The following CD8B2 variants were observed in gnomAD, a reference collection of about 807,000 sequenced individuals.
CD8B2 encodes the protein T-cell surface glycoprotein CD8 beta-2 chain.
In CD8B2, 11 loss-of-function variants were observed where a neutral mutation model predicts 23.7. The observed-to-expected ratio is 0.46, with a 90% CI of 0.29 to 0.77. CD8B2 has a LOEUF of 0.77. Ranked by LOEUF, CD8B2 falls within the 30% of genes least tolerant of loss-of-function variation. CD8B2 has a pLI of 0.09. For missense variants in CD8B2, 197 were observed against 270.5 expected (o/e 0.73, Z 1.91); for synonymous variants, 90 against 109.3 (o/e 0.82, Z 1.10).
chr2:106,542,283 C>T (rs76810170), intron 5 of CD8B2, among the ~76,000 whole-genome samples: 7,393 of 152,254 alleles, frequency 0.049, 229 homozygotes, highest in Middle Eastern at 0.13. Context: ...GGGCTCACTG[C>T]GGGCAGTAAC....
rs548009007 is a variant in CD8B2, at chr2:106,504,474, C to G, written c.620+149C>G. 90 of 1,513,080 alleles carry G rather than the reference C, an allele frequency of 5.9e-5. 1 individual carries two copies. In the South Asian group the frequency reaches 1.1e-3, roughly 18 times the overall value. 93.7% of individuals were successfully genotyped at this position (1,513,080 alleles called of 1,614,324 possible). On this transcript the variant is annotated intron_variant, in intron 5 of 5. Coordinates refer to ENST00000643224, the MANE Select transcript of CD8B2 (RefSeq NM_001349727.2). ...TGGTAGTGCACACCTGTAGTCACAG[C>G]TACTCGGGAGCTGAAGCAGGAGGAT... is the stretch of plus-strand genomic sequence containing the variant.
At position 106,509,989 on chromosome 2, in the gene CD8B2, G is replaced by A. The variant is rs1279641922; in HGVS notation, c.*3049G>A. On this transcript the variant is annotated 3_prime_UTR_variant, in exon 6 of 6. Transcript: ENST00000643224. ...ATAAATTCAGACACAGTCTAATAAGGGGGTTTAGGCGGCTGCTAAGGAATG... is the reference window on the plus strand; with the variant it reads ...ATAAATTCAGACACAGTCTAATAAGAGGGTTTAGGCGGCTGCTAAGGAATG... The A allele has an allele frequency of 1.3e-5, 2 of 152,154 alleles. No homozygotes were observed. Among genetic ancestry groups the A allele is most frequent in the Non-Finnish European group, 2.9e-5 (2 of 68,030 alleles). The allele number at this position is 152,154 out of a possible 1,614,324, so 9.4% of individuals were successfully genotyped here.
At chr2:106,500,829 TTAAA>T (rs1235860501) in intron 3 of CD8B2, among the ~76,000 whole-genome samples, 11 of 151,510 alleles carry the variant, frequency 7.3e-5, no homozygotes, top group Non-Finnish European at 1.3e-4. Context: ...AGTCTGCTGT[TTAAA>T]TAGCACACAA....
chr2:106,517,879 A>T (rs1679755798), intron 5 of CD8B2, among the ~76,000 whole-genome samples: 1 of 151,636 alleles, frequency 6.6e-6, no homozygotes, highest in South Asian at 2.1e-4. Context: ...CGCCCGGCTA[A>T]TTTTTTTTGT....
At chr2:106,524,139 A>G (rs1049346119) in intron 5 of CD8B2, among the ~76,000 whole-genome samples, 1 of 152,104 alleles carries the variant, frequency 6.6e-6, no homozygotes, top group Non-Finnish European at 1.5e-5. Flanking sequence ...GATTGTTGCT[A>G]GAGATAGTGG....
chr2:106,528,910 C>T (rs560693928), intron 5 of CD8B2, among the ~76,000 whole-genome samples: 1 of 152,190 alleles, frequency 6.6e-6, no homozygotes, highest in Non-Finnish European at 1.5e-5. Flanking sequence ...AGAGACAGTA[C>T]GATCCTGAAA....
At chr2:106,524,216 G>A (rs1438760857) in intron 5 of CD8B2, among the ~76,000 whole-genome samples, 1 of 152,178 alleles carries the variant, frequency 6.6e-6, no homozygotes, top group African/African-American at 2.4e-5. Flanking sequence ...TAGATAAGGG[G>A]CTGGTTTCCT....
chr2:106,491,575 C>A (rs1391883827), intron 2 of CD8B2, among the ~76,000 whole-genome samples: 2 of 152,050 alleles, frequency 1.3e-5, no homozygotes. Context: ...TGAGACAGAG[C>A]CTCACTGTGT....
At chr2:106,488,889 C>T (rs1311575893) in intron 1 of CD8B2, among the ~76,000 whole-genome samples, 1 of 152,114 alleles carries the variant, frequency 6.6e-6, no homozygotes, top group Non-Finnish European at 1.5e-5. Flanking sequence ...CAAGGAAAAA[C>T]CTCTGCTCTG....
Position 106,502,441 on chromosome 2 carries a change from G to A in CD8B2, c.494-33G>A, listed in dbSNP as rs568862738. 1.8e-3 allele frequency: 2,375 copies of A among 1,309,342 alleles called. 23 individuals carry two copies. In the African/African-American group the frequency reaches 0.024, roughly 13 times the overall value. The allele number at this position is 1,309,342 out of a possible 1,614,324, so 81.1% of individuals were successfully genotyped here. A position where few individuals can be genotyped will look rare whatever the true frequency, so the allele number is the denominator to read the frequency against. On this transcript the variant is annotated intron_variant, in intron 3 of 5. Transcript: ENST00000643224. ...CGTGTCTCACGCAGAAAAATGTTCT[G>A]TGTTGAACACATGTCACATGTGTGT... is the stretch of plus-strand genomic sequence containing the variant.
intron 3 of CD8B2, 86 bp downstream of exon 3, chr2:106,496,348 C>T: frequency 8.5e-6 from 12 of 1,415,818 alleles, no homozygotes; most frequent in Non-Finnish European, 1.1e-5. Flanking sequence ...TCCCCAGGCA[C>T]TTTCCAAGTG....
intron 5 of CD8B2, among the ~76,000 whole-genome samples, chr2:106,527,776 T>A (rs894482345): frequency 2.0e-5 from 3 of 150,368 alleles, no homozygotes; most frequent in African/African-American, 7.4e-5. Flanking sequence ...GAGCGAGACT[T>A]TGTCTCAAAA....
At chr2:106,540,737 C>T (rs1484712965) in intron 5 of CD8B2, among the ~76,000 whole-genome samples, 2 of 152,010 alleles carry the variant, frequency 1.3e-5, no homozygotes, top group Non-Finnish European at 2.9e-5. Flanking sequence ...GCTAATTTTT[C>T]TATTTTTTGT....
At chr2:106,533,117 C>T (rs1342285500) in intron 5 of CD8B2, among the ~76,000 whole-genome samples, 8 of 151,994 alleles carry the variant, frequency 5.3e-5, no homozygotes, top group African/African-American at 1.9e-4. Flanking sequence ...TGAAGCAGGC[C>T]CATGCTGGGG....
Position 106,507,507 on chromosome 2 carries a change from G to A in CD8B2, c.*567G>A, listed in dbSNP as rs1053170503. 2 of 984,852 alleles carry A rather than the reference G, an allele frequency of 2.0e-6. No individual in the cohort carries two copies. The highest frequency in any genetic ancestry group is 5.2e-4 in the Middle Eastern group (1 of 1,934). 61.0% of individuals were successfully genotyped at this position (984,852 alleles called of 1,614,324 possible). On this transcript the variant is annotated 3_prime_UTR_variant, in exon 6 of 6. Transcript: ENST00000643224. ...TGGGGCCGGGAACTTGCGGGTTTGA[G>A]GATAGGAGTTCACTTCATCTTCTTA... is the stretch of plus-strand genomic sequence containing the variant.
chr2:106,517,741 G>C (rs1408000908), intron 5 of CD8B2, among the ~76,000 whole-genome samples: 2 of 151,544 alleles, frequency 1.3e-5, no homozygotes, highest in Non-Finnish European at 2.9e-5. Flanking sequence ...GAGACAGGGT[G>C]TCGCTCCGTC....
chr2:106,534,900 C>A (rs181391374), intron 5 of CD8B2, among the ~76,000 whole-genome samples: 5 of 152,232 alleles, frequency 3.3e-5, no homozygotes, highest in African/African-American at 1.2e-4. Context: ...CTCACTGCAA[C>A]CTCCTCCGCC....
At chr2:106,521,336 G>A (rs1679823013) in intron 5 of CD8B2, among the ~76,000 whole-genome samples, 1 of 152,164 alleles carries the variant, frequency 6.6e-6, no homozygotes. Context: ...TTTTGATCAT[G>A]CCTAGTCTCA....
chr2:106,542,387 T>G (rs72821883), intron 5 of CD8B2, among the ~76,000 whole-genome samples: 22,028 of 152,234 alleles, frequency 0.14, 2,094 homozygotes, highest in Non-Finnish European at 0.21. Context: ...CAGTCATGAA[T>G]AGAGATTGTT....
Sources: gnomAD v4.1 joint callset for allele counts (sites outside exome capture counted in the v4.1 genomes callset) on GRCh38, gnomAD v4.1.1 for gene constraint, MANE v1.5 for transcripts, NCBI Gene and HGNC (gene_info 2026-07-23, HGNC 2026-07-21) for gene names.